Variants in FMNL2 observed in about 807,000 individuals in gnomAD.
FMNL2 encodes the protein formin like 2.
In FMNL2, 51 loss-of-function variants were observed where a neutral mutation model predicts 130.2. That is an observed-to-expected ratio of 0.39 (90% CI 0.31 to 0.49). The LOEUF is 0.49. FMNL2 is among the 20% of genes least tolerant of loss of function. FMNL2 has a pLI of 0.85. For missense variants in FMNL2, 977 were observed against 1,316.2 expected, an observed-to-expected ratio of 0.74 and a Z score of 3.99; for synonymous variants, 465 against 467.1, an observed-to-expected ratio of 1.00 and a Z score of 0.06.
At chr2:152,598,123 A>G (rs1431249963) in intron 9 of FMNL2, among the ~76,000 whole-genome samples, 1 of 152,194 alleles carries the variant, frequency 6.6e-6, no homozygotes, top group Admixed American at 6.5e-5. Flanking sequence ...CGCAGGCCCC[A>G]AGATCTGAAA....
intron 4 of FMNL2, among the ~76,000 whole-genome samples, chr2:152,554,918 G>A (rs1203422067): frequency 6.6e-6 from 1 of 152,194 alleles, no homozygotes; most frequent in Non-Finnish European, 1.5e-5. Context: ...GGTAGCAGAA[G>A]TACTTTATGT....
chr2:152,347,606 A>G (rs1193135911), intron 1 of FMNL2, among the ~76,000 whole-genome samples: 1 of 152,128 alleles, frequency 6.6e-6, no homozygotes, highest in Non-Finnish European at 1.5e-5. Context: ...ACGGATATGT[A>G]GGTACAAAAT....
At chr2:152,619,851 C>T in intron 15 of FMNL2, 133 bp downstream of exon 15, 1 of 1,464,712 alleles carries the variant, frequency 6.8e-7, no homozygotes, top group Non-Finnish European at 9.1e-7. Flanking sequence ...GAAATTCCTG[C>T]TGATGTAGCC....
intron 1 of FMNL2, among the ~76,000 whole-genome samples, chr2:152,496,757 T>C (rs1691537961): frequency 6.6e-6 from 1 of 152,236 alleles, no homozygotes; most frequent in South Asian, 2.1e-4. Context: ...AATCTCTTCC[T>C]ATGATTATTT....
At chr2:152,347,052 C>T (rs1366041871) in intron 1 of FMNL2, among the ~76,000 whole-genome samples, 1 of 150,804 alleles carries the variant, frequency 6.6e-6, no homozygotes, top group African/African-American at 2.4e-5. Flanking sequence ...GATCCTGCCA[C>T]AGCACTCCAG....
At chr2:152,428,039 G>A (rs1041160564) in intron 1 of FMNL2, among the ~76,000 whole-genome samples, 3 of 152,114 alleles carry the variant, frequency 2.0e-5, no homozygotes, top group African/African-American at 7.2e-5. Context: ...AAAGGATATT[G>A]TCACACTGCC....
chr2:152,465,103 C>T (rs1160784312), intron 1 of FMNL2, among the ~76,000 whole-genome samples: 1 of 152,252 alleles, frequency 6.6e-6, no homozygotes, highest in Non-Finnish European at 1.5e-5. Flanking sequence ...AGTGCGATCT[C>T]ATAGCCCTGC....
chr2:152,524,149 T>A (rs1372204297), intron 2 of FMNL2, among the ~76,000 whole-genome samples: 1 of 152,208 alleles, frequency 6.6e-6, no homozygotes, highest in East Asian at 1.9e-4. Flanking sequence ...AATAATTCAG[T>A]GGTACTAAAT....
intron 1 of FMNL2, among the ~76,000 whole-genome samples, chr2:152,424,543 A>T (rs1255756096): frequency 6.6e-6 from 1 of 152,082 alleles, no homozygotes; most frequent in African/African-American, 2.4e-5. Context: ...GGCGTGCGCC[A>T]CCATGCGCGG....
At chr2:152,421,407 A>C (rs1686914716) in intron 1 of FMNL2, among the ~76,000 whole-genome samples, 1 of 152,218 alleles carries the variant, frequency 6.6e-6, no homozygotes, top group Non-Finnish European at 1.5e-5. Context: ...AATAACATGC[A>C]ACCGTGTTGG....
rs531269922 is a variant in FMNL2 at position 152,398,124 on chromosome 2, C to CA, written c.117+62404_117+62405insA. On this transcript the variant is annotated intron_variant, in intron 1 of 25. Transcript: ENST00000288670. ...TGGGCAACAGAGTGAGACTCCATCT[C>CA]GAAAAAAAATAAATAAAATAAAAGC... Among the ~76,000 whole-genome samples the CA allele has an allele frequency of 1.5e-3, 221 of 151,842 alleles. 1 individual carries two copies. Among genetic ancestry groups the CA allele is most frequent in the African/African-American group, 5.1e-3 (211 of 41,402 alleles).
intron 1 of FMNL2, among the ~76,000 whole-genome samples, chr2:152,404,127 GC>G (rs1329766395): frequency 6.6e-6 from 1 of 152,114 alleles, no homozygotes; most frequent in Non-Finnish European, 1.5e-5. Context: ...CATACCCCCC[GC>G]CTTTTTTTTG....
chr2:152,531,211 C>G (rs911319223), intron 2 of FMNL2, among the ~76,000 whole-genome samples: 7 of 152,238 alleles, frequency 4.6e-5, no homozygotes, highest in African/African-American at 1.7e-4. Context: ...ATAAGATGAG[C>G]ACATCTAACA....
intron 1 of FMNL2, among the ~76,000 whole-genome samples, chr2:152,395,187 G>A (rs1010599185): frequency 7.9e-5 from 12 of 152,164 alleles, no homozygotes; most frequent in African/African-American, 2.9e-4. Flanking sequence ...CGGTCAGCCC[G>A]TATTTCCAGA....
chr2:152,336,851 G>A (rs565420345), intron 1 of FMNL2, among the ~76,000 whole-genome samples: 76 of 152,306 alleles, frequency 5.0e-4, no homozygotes, highest in Admixed American at 1.1e-3. Context: ...CGTGATCCGG[G>A]CAGCCAACGA....
At chr2:152,401,140 G>C (rs1035955253) in intron 1 of FMNL2, among the ~76,000 whole-genome samples, 2 of 152,246 alleles carry the variant, frequency 1.3e-5, no homozygotes, top group Admixed American at 1.3e-4. Context: ...TGATATGACT[G>C]CATTTATGGA....
chr2:152,359,810 C>G (rs1381897865), intron 1 of FMNL2, among the ~76,000 whole-genome samples: 1 of 152,138 alleles, frequency 6.6e-6, no homozygotes, highest in Non-Finnish European at 1.5e-5. Flanking sequence ...TTTTAATCTT[C>G]ACTACTTTTT....
intron 1 of FMNL2, among the ~76,000 whole-genome samples, chr2:152,374,999 C>T (rs1684078658): frequency 6.6e-6 from 1 of 152,196 alleles, no homozygotes; most frequent in Non-Finnish European, 1.5e-5. Context: ...TTCACTGGTG[C>T]TATTGAACTG....
chr2:152,643,586 G>C, intron 25 of FMNL2: 1 of 1,527,664 alleles, frequency 6.5e-7, no homozygotes, highest in Non-Finnish European at 8.8e-7. Flanking sequence ...CCCTCTGTGT[G>C]TCTGTCAGGG....
Sources: allele counts gnomAD v4.1 joint callset (sites outside exome capture counted in the v4.1 genomes callset), GRCh38; gene constraint gnomAD v4.1.1; transcripts MANE v1.5; gene names NCBI Gene and HGNC (gene_info 2026-07-23, HGNC 2026-07-21).